EYS: variants seen among roughly 807,000 people sequenced by gnomAD.
EYS encodes the protein EGF-like photoreceptor maintenance factor, also known as protein eyes shut homolog.
In EYS, 250 loss-of-function variants were observed where a neutral mutation model predicts 282.1. The observed-to-expected ratio is 0.89, with a 90% CI of 0.80 to 0.98. The LOEUF is 0.98. Ranked by LOEUF, EYS falls within the 50% of genes least tolerant of loss-of-function variation. The pLI is 0.00. For missense variants in EYS, 4,016 were observed against 3,709.0 expected (o/e 1.08, Z -2.15); for synonymous variants, 1,355 against 1,282.9 (o/e 1.06, Z -1.20).
intron 1 of EYS, among the ~76,000 whole-genome samples, chr6:65,659,085 A>G (rs1488379098): frequency 6.6e-6 from 1 of 151,368 alleles, no homozygotes; most frequent in Non-Finnish European, 1.5e-5. Flanking sequence ...ATCTCTCTTG[A>G]TTTATTTAAT....
intron 35 of EYS, among the ~76,000 whole-genome samples, chr6:63,895,703 T>C (rs1431777244): frequency 6.6e-6 from 1 of 152,202 alleles, no homozygotes; most frequent in Non-Finnish European, 1.5e-5. Context: ...CCTTACATAC[T>C]ATTTAACCTC....
chr6:63,843,148 G>A (rs966834276), intron 36 of EYS, among the ~76,000 whole-genome samples: 2 of 152,180 alleles, frequency 1.3e-5, no homozygotes, highest in Non-Finnish European at 2.9e-5. Context: ...TGTGAAGAAA[G>A]TCAATGGTAG....
At chr6:64,940,457 A>G (rs767356339) in intron 15 of EYS, among the ~76,000 whole-genome samples, 1 of 152,082 alleles carries the variant, frequency 6.6e-6, no homozygotes, top group Non-Finnish European at 1.5e-5. Context: ...ATAGGTTATA[A>G]TTAATTAATG....
chr6:64,995,979 T>G (rs1771248239), intron 14 of EYS, among the ~76,000 whole-genome samples: 1 of 152,168 alleles, frequency 6.6e-6, no homozygotes, highest in African/African-American at 2.4e-5. Flanking sequence ...ATTACAGGTA[T>G]GGGGTTCTTT....
intron 35 of EYS, among the ~76,000 whole-genome samples, chr6:63,982,733 T>A (rs1321983466): frequency 2.0e-5 from 3 of 151,674 alleles, no homozygotes; most frequent in Admixed American, 2.0e-4. Context: ...GGAGGGAGGA[T>A]CACAGAAAGG....
intron 22 of EYS, among the ~76,000 whole-genome samples, chr6:64,784,547 T>C (rs899384276): frequency 6.6e-6 from 1 of 152,208 alleles, no homozygotes; most frequent in African/African-American, 2.4e-5. Context: ...CTCATTGTTA[T>C]GTCCTCTGAA....
chr6:64,045,246 T>A (rs2149839782), intron 33 of EYS, among the ~76,000 whole-genome samples: 1 of 152,030 alleles, frequency 6.6e-6, no homozygotes, highest in Non-Finnish European at 1.5e-5. Flanking sequence ...AATGAAAAAC[T>A]TTTTCAGGAA....
chr6:64,574,177 C>T (rs1252708051), intron 26 of EYS, among the ~76,000 whole-genome samples: 2 of 152,050 alleles, frequency 1.3e-5, no homozygotes, highest in East Asian at 1.9e-4. Context: ...AACACAGGAA[C>T]GGAAAATCAA....
At chr6:64,737,239 GCCTAATCAAATAT>G (rs1176260714) in intron 22 of EYS, among the ~76,000 whole-genome samples, 1 of 152,118 alleles carries the variant, frequency 6.6e-6, no homozygotes, top group African/African-American at 2.4e-5. Flanking sequence ...TAGCAAAACA[GCCTAATCAAATAT>G]CATTGATATC....
At chr6:65,504,508 AC>A (rs990865372) in intron 2 of EYS, among the ~76,000 whole-genome samples, 2 of 151,784 alleles carry the variant, frequency 1.3e-5, no homozygotes, top group African/African-American at 4.8e-5. Context: ...CCATTTTTCT[AC>A]ACGAATTAGC....
At chr6:63,750,684 G>T (rs1369956858) in intron 41 of EYS, among the ~76,000 whole-genome samples, 9 of 152,186 alleles carry the variant, frequency 5.9e-5, no homozygotes, top group African/African-American at 2.2e-4. Flanking sequence ...CCTTCCAGTT[G>T]CTCTGTGTGA....
At chr6:64,958,978 T>C (rs1478449828) in intron 14 of EYS, among the ~76,000 whole-genome samples, 1 of 152,176 alleles carries the variant, frequency 6.6e-6, no homozygotes, top group Non-Finnish European at 1.5e-5. Flanking sequence ...CTGTAGGTTA[T>C]AGTTCCTTGA....
intron 41 of EYS, among the ~76,000 whole-genome samples, chr6:63,760,690 AT>A (rs1769615199): frequency 1.4e-5 from 2 of 146,504 alleles, no homozygotes; most frequent in South Asian, 2.2e-4. Context: ...CTATCTATCT[AT>A]CTATCTATCT....
chr6:64,540,475 ATTTTTTTTTT>A (rs397888030), intron 26 of EYS, among the ~76,000 whole-genome samples: 44 of 83,510 alleles, frequency 5.3e-4, no homozygotes, highest in African/African-American at 1.6e-3. Context: ...CCAAGTACAG[ATTTTTTTTTT>A]TTTTTTTTTT....
intron 35 of EYS, 121 bp downstream of exon 35, chr6:63,984,260 GAA>G: frequency 1.4e-6 from 1 of 693,134 alleles, no homozygotes. Flanking sequence ...GTGATGCATA[GAA>G]AAACTTGAGA....
At chr6:64,245,623 C>G (rs927541956) in intron 30 of EYS, among the ~76,000 whole-genome samples, 2 of 152,136 alleles carry the variant, frequency 1.3e-5, no homozygotes, top group African/African-American at 4.8e-5. Context: ...CCACTTCCTT[C>G]TTTGTTCAGC....
chr6:65,603,749 A>G (rs1031268848), intron 2 of EYS, among the ~76,000 whole-genome samples: 1 of 150,418 alleles, frequency 6.6e-6, no homozygotes, highest in Non-Finnish European at 1.5e-5. Context: ...TTAGGTTTCT[A>G]TTCCTTTTTT....
intron 41 of EYS, chr6:63,744,140 T>C (rs1002069007): frequency 6.6e-6 from 1 of 152,242 alleles, no homozygotes; most frequent in East Asian, 1.9e-4. Flanking sequence ...CTTTTTATTA[T>C]AATGTATTTT....
intron 31 of EYS, among the ~76,000 whole-genome samples, chr6:64,150,843 C>T (rs889690454): frequency 2.0e-5 from 3 of 152,028 alleles, no homozygotes; most frequent in Non-Finnish European, 4.4e-5. Context: ...AAAAGAATAC[C>T]ATTTTTAAAT....
Sources: gnomAD v4.1 joint callset for allele counts (sites outside exome capture counted in the v4.1 genomes callset) on GRCh38, gnomAD v4.1.1 for gene constraint, MANE v1.5 for transcripts, NCBI Gene and HGNC (gene_info 2026-07-23, HGNC 2026-07-21) for gene names.